Variants in KIAA1671 observed in about 807,000 individuals in gnomAD.
KIAA1671 encodes the protein KIAA1671.
KIAA1671 carries 52 observed loss-of-function variants against 131.2 expected under a neutral mutation model. The ratio of observed to expected loss-of-function variants is 0.40; its 90% CI spans 0.32 to 0.50. KIAA1671 has a LOEUF of 0.50. KIAA1671 is among the 20% of genes least tolerant of loss of function. KIAA1671 has a pLI of 0.73. For synonymous variants in KIAA1671, 1,003 were observed against 961.6 expected (o/e 1.04, Z -0.80); for missense variants, 2,360 against 2,364.2 (o/e 1.00, Z 0.04).
chr22:25,007,900 GA>G (rs1335619288), intron 1 of KIAA1671, among the ~76,000 whole-genome samples: 3 of 151,852 alleles, frequency 2.0e-5, no homozygotes, highest in Admixed American at 6.6e-5. Context: ...GCCACTTCAA[GA>G]AAAGTTGCTG....
intron 1 of KIAA1671, among the ~76,000 whole-genome samples, chr22:24,963,520 G>A (rs1194456550): frequency 6.6e-6 from 1 of 152,066 alleles, no homozygotes; most frequent in East Asian, 1.9e-4. Context: ...TGGGCAGCTG[G>A]CTCCACTTCT....
chr22:25,118,873 C>T (rs1311802797), intron 6 of KIAA1671, among the ~76,000 whole-genome samples: 1 of 152,130 alleles, frequency 6.6e-6, no homozygotes, highest in African/African-American at 2.4e-5. Flanking sequence ...CAGGACTTTG[C>T]CATCACCATT....
intron 6 of KIAA1671, among the ~76,000 whole-genome samples, chr22:25,073,348 G>A (rs554077215): frequency 2.0e-5 from 3 of 151,972 alleles, no homozygotes; most frequent in Non-Finnish European, 2.9e-5. Context: ...GACTACAGGC[G>A]TGAGCCACCA....
rs183959295 is a variant in KIAA1671 at position 25,094,447 on chromosome 22, C to T, written c.4530+45083C>T. On this transcript the variant is annotated intron_variant, in intron 6 of 12. Transcript: ENST00000358431. ...ACACAGGCCCAGGTCTGTCCAAGGCCCCTCAGCAGGTGGGAGGCAAGCAGG... is the reference window on the plus strand; with the variant it reads ...ACACAGGCCCAGGTCTGTCCAAGGCTCCTCAGCAGGTGGGAGGCAAGCAGG... Among the ~76,000 whole-genome samples the T allele has an allele frequency of 1.3e-3, 194 of 152,210 alleles. 1 individual carries two copies. Among genetic ancestry groups the T allele is most frequent in the Non-Finnish European group, 2.1e-3 (144 of 68,008 alleles).
At chr22:25,023,371 T>C (rs1399727860) in intron 1 of KIAA1671, 1 of 151,848 alleles carries the variant, frequency 6.6e-6, no homozygotes, top group Non-Finnish European at 1.5e-5. Flanking sequence ...TCTAAAAATA[T>C]AAAAATAAAA....
Position 25,041,146 on chromosome 22 carries a change from C to G in KIAA1671, c.4016C>G (p.Ala1339Gly), listed in dbSNP as rs1367825621. ...RKAFASKHHV[A>G]KCQNYLAESK... Reference sequence around the variant, plus strand: ...GCCTTTGCCAGTAAACATCATGTTGCAAAGTGTCAGAATTACCTGGCTGAG... The same window carrying G: ...GCCTTTGCCAGTAAACATCATGTTGGAAAGTGTCAGAATTACCTGGCTGAG... The change falls in exon 5 of 13, where the codon GCA becomes GGA. Residue 1339 changes from alanine (A) to glycine (G), a missense_variant. Ala to Gly is a moderately conservative substitution (Grantham distance 60). This residue lies in a region of KIAA1671 where 1,161 missense variants were observed against 1,204.7 expected (regional missense o/e 0.96). Transcript: ENST00000358431. 1 of 1,551,098 alleles carries G rather than the reference C, an allele frequency of 6.4e-7. No homozygotes were observed. Among genetic ancestry groups the G allele is most frequent in the Non-Finnish European group, 8.7e-7 (1 of 1,146,734 alleles).
chr22:24,981,062 CTGTGTGTGTG>C (rs35906863), intron 1 of KIAA1671, among the ~76,000 whole-genome samples: 45 of 148,906 alleles, frequency 3.0e-4, no homozygotes, highest in East Asian at 6.0e-4. Context: ...TTGTTATTTT[CTGTGTGTGTG>C]TGTGTGTGTG....
intron 6 of KIAA1671, among the ~76,000 whole-genome samples, chr22:25,130,458 C>T (rs184173673): frequency 8.7e-4 from 133 of 152,274 alleles, no homozygotes; most frequent in Non-Finnish European, 1.2e-3. Flanking sequence ...TACTTGTAAT[C>T]GTCATTACAT....
intron 1 of KIAA1671, among the ~76,000 whole-genome samples, chr22:24,971,685 G>A (rs1028307053): frequency 1.1e-4 from 17 of 152,144 alleles, no homozygotes; most frequent in African/African-American, 4.1e-4. Flanking sequence ...GGCTGCTGTG[G>A]GATGTGGTAC....
At chr22:24,975,298 G>C (rs988307462) in intron 1 of KIAA1671, among the ~76,000 whole-genome samples, 6 of 150,706 alleles carry the variant, frequency 4.0e-5, no homozygotes, top group Non-Finnish European at 7.4e-5. Context: ...GTCATAACAA[G>C]TATCAGTGAT....
intron 6 of KIAA1671, among the ~76,000 whole-genome samples, chr22:25,098,955 G>T (rs759783334): frequency 2.6e-5 from 4 of 152,210 alleles, no homozygotes; most frequent in Admixed American, 6.5e-5. Context: ...CTGTGTGGAG[G>T]CGTGCTCTGC....
intron 1 of KIAA1671, among the ~76,000 whole-genome samples, chr22:24,970,751 A>AAAAC (rs56185762): frequency 1.3e-5 from 2 of 150,938 alleles, no homozygotes; most frequent in Non-Finnish European, 3.0e-5. Flanking sequence ...ACAAAACAAA[A>AAAAC]CTCATAACAT....
chr22:25,065,652 T>A (rs1489893215), intron 6 of KIAA1671, among the ~76,000 whole-genome samples: 2 of 151,184 alleles, frequency 1.3e-5, no homozygotes, highest in Non-Finnish European at 2.9e-5. Context: ...TTATTATTTT[T>A]TTTTTTTTGA....
At chr22:25,030,910 T>G (rs112239792) in intron 3 of KIAA1671, among the ~76,000 whole-genome samples, 13 of 152,378 alleles carry the variant, frequency 8.5e-5, no homozygotes, top group African/African-American at 2.9e-4. Context: ...AAGCCAAAGC[T>G]AGACCACTGG....
Position 25,039,975 on chromosome 22 carries a change from C to T in KIAA1671, c.2845C>T (p.Arg949Trp), listed in dbSNP as rs1926823252. 4.5e-6 allele frequency: 7 copies of T among 1,550,910 alleles called. No homozygotes were observed. The highest frequency in any genetic ancestry group is 2.0e-5 in the Admixed American group (1 of 50,958). The change falls in exon 5 of 13, where the codon CGG (arginine) becomes TGG (tryptophan). Residue 949 changes from arginine (R) to tryptophan (W), a missense_variant. Arg to Trp is a moderately radical substitution (Grantham distance 101, BLOSUM62 -3). This residue lies in a region of KIAA1671 where 1,161 missense variants were observed against 1,204.7 expected (regional missense o/e 0.96). Coordinates refer to ENST00000358431, the MANE Select transcript of KIAA1671 (RefSeq NM_001145206.2). ...AMDQRMDRWR[R>W]RTLPPNVKFD... The stretch of plus-strand genomic sequence containing the variant: ...GGACCAGAGAATGGACAGATGGCGG[C>T]GGCGGACTTTACCCCCCAACGTGAA...
At chr22:25,093,768 G>GTCTCTCTCTCTCTC (rs71191028) in intron 6 of KIAA1671, among the ~76,000 whole-genome samples, 3 of 60,744 alleles carry the variant, frequency 4.9e-5, no homozygotes, top group East Asian at 4.2e-4. Context: ...CTCTCTCTCT[G>GTCTCTCTCTCTCTC]TCTCTCTCTC....
At chr22:25,055,305 G>A (rs1008527957) in intron 6 of KIAA1671, 1 of 150,110 alleles carries the variant, frequency 6.7e-6, no homozygotes, top group African/African-American at 2.4e-5. Context: ...TATCCTGGCT[G>A]CTAGTTAGAG....
intron 6 of KIAA1671, among the ~76,000 whole-genome samples, chr22:25,155,369 T>C (rs113312389): frequency 0.081 from 12,381 of 152,072 alleles, 1,634 homozygotes; most frequent in African/African-American, 0.28. Context: ...GTGTGTGTAT[T>C]ATATATGTTT....
chr22:25,034,193 C>T (rs1406412901), intron 4 of KIAA1671, among the ~76,000 whole-genome samples: 1 of 151,876 alleles, frequency 6.6e-6, no homozygotes, highest in African/African-American at 2.4e-5. Context: ...TTACAGGCAC[C>T]CACTACCACG....
Sources: allele counts gnomAD v4.1 joint callset (sites outside exome capture counted in the v4.1 genomes callset), GRCh38; gene constraint gnomAD v4.1.1; regional missense constraint gnomAD v4.1.1; transcripts MANE v1.5; gene names NCBI Gene and HGNC (gene_info 2026-07-23, HGNC 2026-07-21).